The following MATN2 variants were observed in gnomAD, a reference collection of about 807,000 sequenced individuals.
The protein encoded by MATN2 is matrilin-2.
Under a neutral mutation model 103.2 loss-of-function variants are expected in MATN2, and 69 were observed. The ratio of observed to expected loss-of-function variants is 0.67; its 90% confidence interval spans 0.55 to 0.82. The LOEUF (loss-of-function observed/expected upper bound fraction) is 0.82, where lower values mean the gene tolerates loss of function less well. Ranked by LOEUF, MATN2 falls within the 40% of genes least tolerant of loss-of-function variation. The pLI, the probability that MATN2 is intolerant of heterozygous loss-of-function variation, is 0.00. For missense variants in MATN2, 1,023 were observed against 1,211.5 expected (o/e 0.84, Z 2.31); for synonymous variants, 429 against 450.2 (o/e 0.95, Z 0.60).
At chr8:97,952,218 C>T (rs1172747353) in intron 4 of MATN2, 2 of 152,170 alleles carry the variant, frequency 1.3e-5, no homozygotes, top group Non-Finnish European at 2.9e-5. Context: ...GCCCTAATAA[C>T]CCACTTCTCC....
At chr8:97,934,308 A>T (rs1810302971) in intron 3 of MATN2, among the ~76,000 whole-genome samples, 1 of 152,206 alleles carries the variant, frequency 6.6e-6, no homozygotes, top group Non-Finnish European at 1.5e-5. Flanking sequence ...TTATATGCAG[A>T]AAGTAGATGA....
chr8:98,015,014 G>C (rs1387727269), intron 10 of MATN2, among the ~76,000 whole-genome samples: 1 of 152,138 alleles, frequency 6.6e-6, no homozygotes, highest in Non-Finnish European at 1.5e-5. Context: ...AGCTTTTAAA[G>C]TAACAGCCTG....
intron 2 of MATN2, among the ~76,000 whole-genome samples, chr8:97,889,782 G>T (rs1818569298): frequency 6.6e-6 from 1 of 151,932 alleles, no homozygotes; most frequent in South Asian, 2.1e-4. Context: ...TAACTGCCCA[G>T]TTGGGTTTCT....
chr8:98,032,129 T>TAA, intron 15 of MATN2, 117 bp from the exon 16 acceptor site: 1 of 760,672 alleles, frequency 1.3e-6, no homozygotes, highest in Non-Finnish European at 2.1e-6. Flanking sequence ...CAAACAAAAC[T>TAA]AAAAAACCTT....
Position 97,961,451 on chromosome 8 carries a change from C to T in MATN2, c.879C>T (p.Leu293=), listed in dbSNP as rs1412193454. The T allele has an allele frequency of 1.2e-6, 2 of 1,613,724 alleles. No individual in the cohort carries two copies. The highest frequency in any genetic ancestry group is 1.7e-6 in the Non-Finnish European group (2 of 1,179,818). The change falls in exon 5 of 19, where the codon CTC becomes CTT. Residue 293 remains leucine, a synonymous_variant. Coordinates refer to ENST00000254898, the MANE Select transcript of MATN2 (RefSeq NM_002380.5). ...CAMEDHNCEQ[L]CVNVPGSFVC... Reference sequence around the variant, plus strand: ...TGGAGGACCACAACTGTGAGCAGCTCTGTGTGAATGTGCCGGGCTCCTTCG... The same window carrying T: ...TGGAGGACCACAACTGTGAGCAGCTTTGTGTGAATGTGCCGGGCTCCTTCG...
At chr8:98,012,397 C>T (rs906652519) in intron 10 of MATN2, among the ~76,000 whole-genome samples, 1 of 152,086 alleles carries the variant, frequency 6.6e-6, no homozygotes, top group African/African-American at 2.4e-5. Context: ...TAATCCAACA[C>T]CCAGAGGAGG....
intron 3 of MATN2, among the ~76,000 whole-genome samples, chr8:97,936,450 C>A (rs16896429): frequency 0.11 from 16,558 of 152,012 alleles, 1,084 homozygotes; most frequent in Admixed American, 0.21. Context: ...CTGATGGCAC[C>A]CCTTTGAGGT....
intron 7 of MATN2, among the ~76,000 whole-genome samples, chr8:98,000,391 G>A (rs1812737790): frequency 6.6e-6 from 1 of 151,388 alleles, no homozygotes; most frequent in African/African-American, 2.4e-5. Context: ...AAGGTCAGGA[G>A]ATCGAGACCA....
rs192022228 is a variant in MATN2 at position 97,893,265 on chromosome 8, C to T, written c.142+5023C>T. 1.9e-3 allele frequency among the ~76,000 whole-genome samples: 285 copies of T among 152,266 alleles called. 1 individual carries two copies. The highest frequency in any genetic ancestry group is 6.5e-3 in the African/African-American group (271 of 41,560). On this transcript the variant is annotated intron_variant, in intron 2 of 18. Coordinates refer to ENST00000254898, the MANE Select transcript of MATN2 (RefSeq NM_002380.5). The stretch of plus-strand genomic sequence containing the variant: ...AGGCCACAACGCTGGCAGGTAGAGT[C>T]GGAGAATCTGACTGTGCTGTACCCA...
chr8:97,876,251 G>A (rs1391936949), intron 1 of MATN2, among the ~76,000 whole-genome samples: 5 of 144,086 alleles, frequency 3.5e-5, no homozygotes, highest in African/African-American at 5.2e-5. Flanking sequence ...GTGCAATGGC[G>A]CAATCTCGGC....
At chr8:98,015,812 C>T (rs1050672522) in intron 10 of MATN2, among the ~76,000 whole-genome samples, 2 of 152,152 alleles carry the variant, frequency 1.3e-5, no homozygotes, top group Non-Finnish European at 2.9e-5. Context: ...AACTTTGTTT[C>T]GTTCATTGCT....
intron 3 of MATN2, among the ~76,000 whole-genome samples, chr8:97,936,476 G>A (rs1056200115): frequency 1.3e-5 from 2 of 152,044 alleles, no homozygotes; most frequent in African/African-American, 4.8e-5. Flanking sequence ...TGTGAAGTGG[G>A]GAGGCTGGAC....
Position 98,035,951 on chromosome 8 carries a change from A to T in MATN2, c.*239A>T, listed in dbSNP as rs1055970184. 26 of 371,756 alleles carry T rather than the reference A, an allele frequency of 7.0e-5. No individual in the cohort carries two copies. The highest frequency in any genetic ancestry group is 1.1e-4 in the Non-Finnish European group (23 of 209,132). 23.0% of individuals were successfully genotyped at this position (371,756 alleles called of 1,614,324 possible). On this transcript the variant is annotated 3_prime_UTR_variant, in exon 19 of 19. Coordinates refer to ENST00000254898, the MANE Select transcript of MATN2 (RefSeq NM_002380.5). Reference sequence around the variant, plus strand: ...TGAATTTACCAGGTGAGAATGAATAAGCTATGCAAGGTATTTTGTAATATA... The same window carrying T: ...TGAATTTACCAGGTGAGAATGAATATGCTATGCAAGGTATTTTGTAATATA...
chr8:97,874,738 GAC>G (rs1044801211), intron 1 of MATN2, among the ~76,000 whole-genome samples: 4 of 147,884 alleles, frequency 2.7e-5, no homozygotes, highest in African/African-American at 1.0e-4. Flanking sequence ...TTTTTTTTGA[GAC>G]AGAGTCTTGC....
chr8:97,873,458 C>T (rs1438904474), intron 1 of MATN2, among the ~76,000 whole-genome samples: 1 of 151,884 alleles, frequency 6.6e-6, no homozygotes, highest in Non-Finnish European at 1.5e-5. Context: ...AGGTGATCCT[C>T]CTACCTCAGC....
chr8:97,982,194 G>C lies in MATN2; in HGVS notation c.1081+3186G>C, dbSNP rs1258643002. Among the ~76,000 whole-genome samples, 1 of 152,218 alleles carries C rather than the reference G, an allele frequency of 6.6e-6. No homozygotes were observed. The highest frequency in any genetic ancestry group is 1.5e-5 in the Non-Finnish European group (1 of 68,040). Reference sequence around the variant, plus strand: ...AGGAAGAAAGGAGACAGAGTACTTGGAAAGCTAAGAGTAGAAAATAAGGCA... The same window carrying C: ...AGGAAGAAAGGAGACAGAGTACTTGCAAAGCTAAGAGTAGAAAATAAGGCA... On this transcript the variant is annotated intron_variant, in intron 6 of 18. Transcript: ENST00000254898. This position sits in a 1 kb window ranked among gnomAD's most constrained non-coding sequence, Gnocchi z 4.3.
Position 98,027,601 on chromosome 8 carries a change from A to ACAG in MATN2, c.2128_2129insCAG (p.Arg710delinsThrGly). ...ACAGGTCCACACAGAGTTCACTCTGAGAAACTTCAACTCAGCCAAAGACAT... is the reference window on the plus strand; with the variant it reads ...ACAGGTCCACACAGAGTTCACTCTGACAGGAAACTTCAACTCAGCCAAAGACAT... On this transcript the variant is annotated protein_altering_variant, in exon 14 of 19. Coordinates refer to ENST00000254898, the MANE Select transcript of MATN2 (RefSeq NM_002380.5). 1 of 1,613,810 alleles carries ACAG rather than the reference A, an allele frequency of 6.2e-7. No individual in the cohort carries two copies. The highest frequency in any genetic ancestry group is 8.5e-7 in the Non-Finnish European group (1 of 1,179,764).
At chr8:98,017,951 T>G in intron 11 of MATN2, 43 bp from the exon 12 acceptor site, 2 of 1,606,318 alleles carry the variant, frequency 1.2e-6, no homozygotes, top group Non-Finnish European at 1.7e-6. Context: ...CCATGTGAAA[T>G]GTATGTTGTT....
intron 2 of MATN2, among the ~76,000 whole-genome samples, chr8:97,922,004 G>A (rs947747708): frequency 9.9e-5 from 15 of 152,274 alleles, no homozygotes; most frequent in Admixed American, 2.0e-4. Context: ...TCACACAAGC[G>A]CAAACCCTAT....
Sources: gnomAD v4.1 joint callset for allele counts (sites outside exome capture counted in the v4.1 genomes callset) on GRCh38, gnomAD v4.1.1 for gene constraint, Gnocchi (gnomAD v3.1) non-coding constraint, MANE v1.5 for transcripts, NCBI Gene and HGNC (gene_info 2026-07-23, HGNC 2026-07-21) for gene names.